CHRM3: variants seen among roughly 807,000 people sequenced by gnomAD.
CHRM3 encodes cholinergic receptor muscarinic 3, also known as muscarinic acetylcholine receptor M3.
A neutral mutation model predicts 41.8 loss-of-function variants in CHRM3; 11 were observed. The ratio of observed to expected loss-of-function variants is 0.26; its 90% CI spans 0.17 to 0.44. CHRM3 has a LOEUF of 0.44. Among genes scored for constraint, CHRM3 ranks in the 20% least tolerant of loss-of-function variants. The pLI, the probability that CHRM3 is intolerant of heterozygous loss-of-function variation, is 1.00. For missense variants in CHRM3, 571 were observed against 745.4 expected (o/e 0.77, Z 2.72); for synonymous variants, 297 against 301.4 (o/e 0.99, Z 0.15).
chr1:239,433,659 C>T (rs1163451088), intron 1 of CHRM3, among the ~76,000 whole-genome samples: 2 of 149,134 alleles, frequency 1.3e-5, no homozygotes, highest in Non-Finnish European at 3.0e-5. Flanking sequence ...CATTCTTATG[C>T]CTTTGCATCC....
At chr1:239,427,307 C>G (rs908189459) in intron 1 of CHRM3, among the ~76,000 whole-genome samples, 2 of 152,068 alleles carry the variant, frequency 1.3e-5, no homozygotes, top group Admixed American at 1.3e-4. Flanking sequence ...ATGAAACACA[C>G]CAGGACTAGC....
Position 239,632,303 on chromosome 1 carries a change from A to G in CHRM3, c.-250+17A>G, listed in dbSNP as rs1669941697. ...TACAATAAGGTAAGATCCTTTTTCT[A>G]GTTGAGCTATTTCCTTGAAAAGGGG... On this transcript the variant is annotated intron_variant, in intron 4 of 6. Coordinates refer to ENST00000676153, the MANE Select transcript of CHRM3 (RefSeq NM_001375978.1). The G allele has an allele frequency of 6.6e-6, 1 of 152,150 alleles. No individual in the cohort carries two copies. The highest frequency in any genetic ancestry group is 1.5e-5 in the Non-Finnish European group (1 of 68,022). The allele number at this position is 152,150 out of a possible 1,614,324, so 9.4% of individuals were successfully genotyped here.
intron 6 of CHRM3, among the ~76,000 whole-genome samples, chr1:239,857,174 A>C (rs920780151): frequency 3.3e-5 from 5 of 152,174 alleles, no homozygotes; most frequent in Non-Finnish European, 7.4e-5. Flanking sequence ...AGTGAGTGGC[A>C]ACTTTTAGGT....
intron 2 of CHRM3, among the ~76,000 whole-genome samples, chr1:239,503,302 C>T (rs1169768185): frequency 6.6e-6 from 1 of 152,086 alleles, no homozygotes; most frequent in Non-Finnish European, 1.5e-5. Context: ...AACTCAACCC[C>T]TTTTACAAAA....
In CHRM3 at chr1:239,558,427, T is replaced by TA. The variant is rs562673049; in HGVS notation, c.-313+12685dup. Among the ~76,000 whole-genome samples, 293 of 152,274 alleles carry TA rather than the reference T, an allele frequency of 1.9e-3. 1 individual carries two copies. The highest frequency in any genetic ancestry group is 2.8e-3 in the Non-Finnish European group (192 of 67,998). On this transcript the variant is annotated intron_variant, in intron 3 of 6. Coordinates refer to ENST00000676153, the MANE Select transcript of CHRM3 (RefSeq NM_001375978.1). ...AGTCCAGACACATTCTGAATGGGAA[T>TA]AAAAAAACTTTCCAATGTCTGATTT...
intron 4 of CHRM3, among the ~76,000 whole-genome samples, chr1:239,639,746 A>G (rs1670891733): frequency 6.6e-6 from 1 of 151,204 alleles, no homozygotes; most frequent in African/African-American, 2.4e-5. Flanking sequence ...CTAATTGAAT[A>G]CCCTTTATTT....
At chr1:239,631,916 C>A (rs1198400494) in intron 3 of CHRM3, among the ~76,000 whole-genome samples, 1 of 152,192 alleles carries the variant, frequency 6.6e-6, no homozygotes, top group Admixed American at 6.5e-5. Flanking sequence ...TTTTATTCTT[C>A]TCACTCTATC....
intron 1 of CHRM3, among the ~76,000 whole-genome samples, chr1:239,412,381 C>T (rs989983723): frequency 7.2e-6 from 1 of 139,532 alleles, no homozygotes; most frequent in Non-Finnish European, 1.5e-5. Flanking sequence ...CCTTCTGTTC[C>T]AGTCAGCACT....
At chr1:239,782,752 A>G (rs1465402276) in intron 5 of CHRM3, among the ~76,000 whole-genome samples, 2 of 152,056 alleles carry the variant, frequency 1.3e-5, no homozygotes, top group Non-Finnish European at 2.9e-5. Flanking sequence ...ACTCAATGCG[A>G]TAAATTTCCC....
At chr1:239,471,652 C>T (rs1164199581) in intron 1 of CHRM3, among the ~76,000 whole-genome samples, 1 of 152,180 alleles carries the variant, frequency 6.6e-6, no homozygotes, top group Non-Finnish European at 1.5e-5. Context: ...TCCTCTCCCA[C>T]TGAGGAGGTC....
At chr1:239,506,218 A>G (rs1668561150) in intron 2 of CHRM3, among the ~76,000 whole-genome samples, 1 of 152,178 alleles carries the variant, frequency 6.6e-6, no homozygotes, top group Non-Finnish European at 1.5e-5. Context: ...TTAATCCTCA[A>G]GACAATGGGG....
chr1:239,410,667 G>A (rs1248688907), intron 1 of CHRM3, among the ~76,000 whole-genome samples: 2 of 152,118 alleles, frequency 1.3e-5, no homozygotes, highest in Non-Finnish European at 2.9e-5. Flanking sequence ...CGTGCCTTTG[G>A]CATGCAGTGT....
intron 1 of CHRM3, among the ~76,000 whole-genome samples, chr1:239,397,792 AC>A (rs1659624996): frequency 6.7e-6 from 1 of 149,470 alleles, no homozygotes; most frequent in Non-Finnish European, 1.5e-5. Flanking sequence ...TAAAAGATAT[AC>A]CAAAAATTTT....
chr1:239,767,999 G>A (rs993550636), intron 5 of CHRM3, among the ~76,000 whole-genome samples: 77 of 152,178 alleles, frequency 5.1e-4, no homozygotes, highest in African/African-American at 1.8e-3. Context: ...AGTTTGAATA[G>A]CAATGTTCTA....
intron 5 of CHRM3, among the ~76,000 whole-genome samples, chr1:239,775,447 A>G (rs1354690563): frequency 6.6e-6 from 1 of 152,214 alleles, no homozygotes; most frequent in African/African-American, 2.4e-5. Flanking sequence ...AGTTTAAAAC[A>G]CATATTTTCT....
intron 3 of CHRM3, among the ~76,000 whole-genome samples, chr1:239,612,602 A>G (rs571796904): frequency 3.7e-4 from 57 of 152,190 alleles, no homozygotes; most frequent in Non-Finnish European, 6.5e-4. Flanking sequence ...CAACTTGGAC[A>G]GGGTAGCATT....
chr1:239,711,913 C>G (rs964759325), intron 5 of CHRM3, among the ~76,000 whole-genome samples: 1 of 152,120 alleles, frequency 6.6e-6, no homozygotes. Context: ...CCAAGCTGTT[C>G]TCAAACTCCA....
chr1:239,641,024 C>T (rs999168249), intron 4 of CHRM3, among the ~76,000 whole-genome samples: 1 of 151,956 alleles, frequency 6.6e-6, no homozygotes, highest in East Asian at 1.9e-4. Context: ...TCGTTATGTA[C>T]CCAGTAGTCA....
At chr1:239,767,898 G>A (rs964860158) in intron 5 of CHRM3, among the ~76,000 whole-genome samples, 6 of 151,990 alleles carry the variant, frequency 3.9e-5, no homozygotes, top group Non-Finnish European at 7.4e-5. Flanking sequence ...TTTAAGAGCC[G>A]GCCCTGGTTC....
Sources: gnomAD v4.1 joint callset for allele counts (sites outside exome capture counted in the v4.1 genomes callset) on GRCh38, gnomAD v4.1.1 for gene constraint, MANE v1.5 for transcripts, NCBI Gene and HGNC (gene_info 2026-07-23, HGNC 2026-07-21) for gene names.